ADAMTSL1: variants seen among roughly 807,000 people sequenced by gnomAD.
The protein encoded by ADAMTSL1 is ADAMTS-like protein 1.
A neutral mutation model predicts 201.8 loss-of-function variants in ADAMTSL1; 126 were observed. The ratio of observed to expected loss-of-function variants is 0.62; its 90% CI spans 0.54 to 0.72. ADAMTSL1 has a LOEUF of 0.72. Among genes scored for constraint, ADAMTSL1 ranks in the 30% least tolerant of loss-of-function variants. The pLI is 0.00. For synonymous variants in ADAMTSL1, 1,121 were observed against 903.4 expected (o/e 1.24, Z -4.32); for missense variants, 2,679 against 2,277.8 (o/e 1.18, Z -3.59).
At chr9:18,406,473 C>A (rs1818212954) in intron 2 of ADAMTSL1, among the ~76,000 whole-genome samples, 1 of 152,002 alleles carries the variant, frequency 6.6e-6, no homozygotes, top group South Asian at 2.1e-4. Flanking sequence ...GGATTACAGG[C>A]ACACGTCACA....
At chr9:18,216,648 CTTT>C (rs5896775) in intron 2 of ADAMTSL1, among the ~76,000 whole-genome samples, 9 of 133,960 alleles carry the variant, frequency 6.7e-5, no homozygotes, top group East Asian at 2.2e-4. Context: ...TCTTGCTCTC[CTTT>C]TTTTTTTTTT....
intron 4 of ADAMTSL1, among the ~76,000 whole-genome samples, chr9:18,614,802 A>G (rs1454796596): frequency 6.6e-6 from 1 of 152,150 alleles, no homozygotes; most frequent in Non-Finnish European, 1.5e-5. Context: ...CAGCAACTTC[A>G]TGTGTTACTC....
chr9:18,645,774 C>G (rs71476279), intron 7 of ADAMTSL1, among the ~76,000 whole-genome samples: 20,175 of 138,714 alleles, frequency 0.15, 1,509 homozygotes, highest in Middle Eastern at 0.21. Context: ...CAGTACCATG[C>G]TGTTTTGGTT....
At chr9:18,092,355 G>A (rs1212992351) in intron 1 of ADAMTSL1, among the ~76,000 whole-genome samples, 1 of 152,074 alleles carries the variant, frequency 6.6e-6, no homozygotes, top group Non-Finnish European at 1.5e-5. Flanking sequence ...CATTTTTATT[G>A]GGTCATAAAG....
chr9:18,881,106 T>C (rs1360297716), intron 23 of ADAMTSL1, among the ~76,000 whole-genome samples: 1 of 152,238 alleles, frequency 6.6e-6, no homozygotes, highest in African/African-American at 2.4e-5. Flanking sequence ...GGGAATGTTA[T>C]AGCAGGTTTG....
rs1017311634 is a variant in ADAMTSL1 at position 18,909,654 on chromosome 9, G to C, written c.*1106G>C. 2.8e-5 allele frequency: 3 copies of C among 108,806 alleles called. No individual in the cohort carries two copies. Among genetic ancestry groups the C allele is most frequent in the Admixed American group, 1.0e-4 (1 of 9,814 alleles). 6.7% of individuals were successfully genotyped at this position (108,806 alleles called of 1,614,324 possible). ...AACCCATTAACTAGTCACTGTGCCA[G>C]AGAGTATCTGTCAGGCTGTCAGGTT... On this transcript the variant is annotated 3_prime_UTR_variant, in exon 29 of 29. Coordinates refer to ENST00000380548, the MANE Select transcript of ADAMTSL1 (RefSeq NM_001040272.6).
intron 14 of ADAMTSL1, among the ~76,000 whole-genome samples, chr9:18,714,778 G>A (rs1040427816): frequency 9.2e-5 from 14 of 151,900 alleles, no homozygotes; most frequent in South Asian, 2.1e-4. Context: ...TACCAAAGCC[G>A]GGCAGAGACA....
intron 7 of ADAMTSL1, among the ~76,000 whole-genome samples, chr9:18,645,603 G>T (rs527352709): frequency 1.3e-3 from 191 of 151,914 alleles, no homozygotes; most frequent in African/African-American, 4.5e-3. Context: ...AGCTTTCTAC[G>T]TGTGGCTAGC....
rs1410084708 is a variant in ADAMTSL1 at position 18,492,837 on chromosome 9, C to A, written c.64-11992C>A. Among the ~76,000 whole-genome samples the A allele has an allele frequency of 2.0e-5, 3 of 152,122 alleles. No individual in the cohort carries two copies. The East Asian group carries it at 5.8e-4, about 29-fold the overall frequency. On this transcript the variant is annotated intron_variant, in intron 1 of 28. Transcript: ENST00000380548. ...GAGAGAACTAAGTTGCCTAAAATAC[C>A]ACAGCAGCAAAGTCAGGATATAACA...
At position 18,706,911 on chromosome 9, in the gene ADAMTSL1, C is replaced by T; in HGVS notation, c.1739C>T (p.Ala580Val). 1 of 1,613,958 alleles carries T rather than the reference C, an allele frequency of 6.2e-7. No homozygotes were observed. The highest frequency in any genetic ancestry group is 1.3e-5 in the African/African-American group (1 of 75,054). ...CCAGCATCCCAGCGTGCCTGTTATG[C>T]AGGCCCATGCAGCGGGGAAATTCCT... ...PKPASQRACYAGPCSGEIPEF... is the reference protein window; with the variant it reads ...PKPASQRACYVGPCSGEIPEF... The change falls in exon 14 of 29, where the codon GCA (alanine) becomes GTA (valine). Residue 580 changes from alanine to valine, a missense_variant. Transcript: ENST00000380548.
chr9:18,908,526 G>T lies in ADAMTSL1; in HGVS notation c.5267G>T (p.Cys1756Phe). Residue 1756 changes from cysteine to phenylalanine, a missense_variant, in exon 29 of 29, where the codon TGT becomes TTT. By Grantham distance (205) the Cys-to-Phe change is radical. Transcript: ENST00000380548. ...CQLSQFKSRCCGTCGKA is the reference protein window; with the variant it reads ...CQLSQFKSRCFGTCGKA ...CTCAGCCAGTTTAAATCTCGCTGCT[G>T]TGGAACTTGTGGCAAAGCGTGAAGA... The T allele has an allele frequency of 6.4e-7, 1 of 1,562,026 alleles. No individual in the cohort carries two copies.
At chr9:17,942,469 G>A (rs1827278701) in intron 1 of ADAMTSL1, among the ~76,000 whole-genome samples, 1 of 152,278 alleles carries the variant, frequency 6.6e-6, no homozygotes, top group East Asian at 1.9e-4. Flanking sequence ...AACGCTTGAA[G>A]CTTCTAAGTT....
In ADAMTSL1 at chr9:17,911,683, T is replaced by C. The variant is rs1308905758; in HGVS notation, c.87+4761T>C. Among the ~76,000 whole-genome samples, 11 of 68,840 alleles carry C rather than the reference T, an allele frequency of 1.6e-4. 3 individuals are homozygous for C. Among genetic ancestry groups the C allele is most frequent in the African/African-American group, 3.2e-4 (11 of 34,256 alleles). The allele number at this position is 68,840 out of a possible 152,430, so 45.2% of individuals were successfully genotyped here. A position where few individuals can be genotyped will look rare whatever the true frequency, so the allele number is the denominator to read the frequency against. ...TTTCCAACTAAAATTCTTTTTCTTA[T>C]TTTATTTTATTACTATTATAATATA... On this transcript the variant is annotated intron_variant, in intron 1 of 29. Coordinates refer to the ADAMTSL1 transcript ENST00000680146.
chr9:18,372,446 T>A (rs1488888297), intron 2 of ADAMTSL1, among the ~76,000 whole-genome samples: 4 of 152,074 alleles, frequency 2.6e-5, no homozygotes, highest in Non-Finnish European at 5.9e-5. Flanking sequence ...TTATGAGAAG[T>A]ACAGAAAGAA....
intron 2 of ADAMTSL1, among the ~76,000 whole-genome samples, chr9:18,206,645 A>G (rs1221078645): frequency 6.6e-6 from 1 of 152,082 alleles, no homozygotes; most frequent in Non-Finnish European, 1.5e-5. Flanking sequence ...GCTCTCTGTA[A>G]GCTGTTTTAT....
At chr9:18,532,083 C>T (rs1819478764) in intron 2 of ADAMTSL1, among the ~76,000 whole-genome samples, 2 of 152,140 alleles carry the variant, frequency 1.3e-5, no homozygotes, top group South Asian at 4.1e-4. Context: ...TATAATCATT[C>T]TCACAGGATT....
Position 18,696,305 on chromosome 9 carries a change from G to A in ADAMTSL1, c.1575-10442G>A, listed in dbSNP as rs76812091. Among the ~76,000 whole-genome samples the A allele has an allele frequency of 9.5e-3, 1,453 of 152,282 alleles. 22 individuals are homozygous for A. Among genetic ancestry groups the A allele is most frequent in the African/African-American group, 0.032 (1,349 of 41,564 alleles). ...AAGAGGGTGATCCAGGGTGCAACCC[G>A]CCCATGCCAGAATCTTGAGTCAGGA... On this transcript the variant is annotated intron_variant, in intron 13 of 28. Transcript: ENST00000380548.
At chr9:18,821,447 C>T (rs572623013) in intron 21 of ADAMTSL1, among the ~76,000 whole-genome samples, 1 of 152,234 alleles carries the variant, frequency 6.6e-6, no homozygotes, top group East Asian at 1.9e-4. Flanking sequence ...GTTGAGAAGG[C>T]TTTTAAGGGC....
At chr9:17,913,543 G>T (rs1825972178) in intron 1 of ADAMTSL1, among the ~76,000 whole-genome samples, 1 of 152,042 alleles carries the variant, frequency 6.6e-6, no homozygotes, top group Admixed American at 6.6e-5. Context: ...GAAATTTATA[G>T]CACTAAATGC....
Sources: allele counts gnomAD v4.1 joint callset (sites outside exome capture counted in the v4.1 genomes callset), GRCh38; gene constraint gnomAD v4.1.1; transcripts MANE v1.5; gene names NCBI Gene and HGNC (gene_info 2026-07-23, HGNC 2026-07-21).